The following PDGFRB variants were observed in gnomAD, a reference collection of about 807,000 sequenced individuals.
PDGFRB encodes platelet derived growth factor receptor beta, also known as platelet-derived growth factor receptor beta.
In PDGFRB, 42 loss-of-function variants were observed where a neutral mutation model predicts 120.2. The observed-to-expected ratio is 0.35, with a 90% CI of 0.27 to 0.45. The LOEUF is 0.45. PDGFRB is among the 20% of genes least tolerant of loss of function. The pLI, the probability that PDGFRB is intolerant of heterozygous loss-of-function variation, is 1.00. For missense variants in PDGFRB, 1,149 were observed against 1,476.3 expected (o/e 0.78, Z 3.63); for synonymous variants, 586 against 606.8 (o/e 0.97, Z 0.50).
At chr5:150,116,700 A>T (rs1455988390) in intron 22 of PDGFRB, among the ~76,000 whole-genome samples, 2 of 152,166 alleles carry the variant, frequency 1.3e-5, no homozygotes, top group Non-Finnish European at 2.9e-5. Context: ...CTGAGGGCAC[A>T]AAACAGGGTG....
At chr5:150,138,594 C>G (rs1469502349) in intron 1 of PDGFRB, among the ~76,000 whole-genome samples, 1 of 152,094 alleles carries the variant, frequency 6.6e-6, no homozygotes, top group East Asian at 1.9e-4. Flanking sequence ...AAGGTCTCCT[C>G]GTTTCTTCCT....
chr5:150,124,968 T>A, intron 12 of PDGFRB, 137 bp from the exon 13 acceptor site: 1 of 581,784 alleles, frequency 1.7e-6, no homozygotes, highest in East Asian at 2.8e-5. Context: ...GCCACTCTCT[T>A]AGGTCAACCT....
intron 9 of PDGFRB, 98 bp from the exon 10 acceptor site, chr5:150,130,066 T>A: frequency 1.1e-6 from 1 of 948,508 alleles, no homozygotes; most frequent in Non-Finnish European, 1.7e-6. Context: ...CGTGTCCAGT[T>A]CCTATGTCCC....
At chr5:150,145,557 G>C (rs1010973421) in intron 1 of PDGFRB, among the ~76,000 whole-genome samples, 1 of 152,210 alleles carries the variant, frequency 6.6e-6, no homozygotes, top group Non-Finnish European at 1.5e-5. Flanking sequence ...GGCACAGACT[G>C]TTTACATTGT....
chr5:150,127,485 T>C (rs1186771958), intron 10 of PDGFRB, among the ~76,000 whole-genome samples: 1 of 152,160 alleles, frequency 6.6e-6, no homozygotes, highest in Non-Finnish European at 1.5e-5. Flanking sequence ...TGGCACATGG[T>C]AGGTAGCTGG....
chr5:150,117,536 GCGCGCGCGCACACACACACA>G, intron 22 of PDGFRB, 62 bp downstream of exon 22: 17 of 677,400 alleles, frequency 2.5e-5, no homozygotes, highest in Admixed American at 5.2e-5. Context: ...CAGCGCGCGC[GCGCGCGCGCACACACACACA>G]CACACACACA....
chr5:150,124,836 T>C lies in PDGFRB; in HGVS notation c.1808-5A>G, dbSNP rs920238831. On this transcript the variant is annotated splice_polypyrimidine_tract_variant and splice_region_variant and intron_variant, in intron 12 of 22. Coordinates refer to ENST00000261799, the MANE Select transcript of PDGFRB (RefSeq NM_002609.4). ...CCCCAGAGCCGAGGGTGCGTCCTGG[T>C]GCAGAGATGATCCATTAGCTCCTGG... 22 of 1,531,488 alleles carry C rather than the reference T, an allele frequency of 1.4e-5. No individual in the cohort carries two copies. The highest frequency in any genetic ancestry group is 1.9e-5 in the Non-Finnish European group (21 of 1,115,160). 94.9% of individuals were successfully genotyped at this position (1,531,488 alleles called of 1,614,324 possible).
chr5:150,155,581 G>A lies in PDGFRB; in HGVS notation c.-191C>T, dbSNP rs1761208671. On this transcript the variant is annotated 5_prime_UTR_variant, in exon 1 of 23. Coordinates refer to ENST00000261799, the MANE Select transcript of PDGFRB (RefSeq NM_002609.4). ...TCCTGAAGGCTCAGGAGAACAGAGG[G>A]ATGGAGGAAGGGGGCTGCTGTAGGG... 1 of 398,788 alleles carries A rather than the reference G, an allele frequency of 2.5e-6. No homozygotes were observed. Among genetic ancestry groups the A allele is most frequent in the African/African-American group, 2.1e-5 (1 of 48,638 alleles). 24.7% of individuals were successfully genotyped at this position (398,788 alleles called of 1,614,324 possible).
chr5:150,147,575 G>A (rs1413809712), intron 1 of PDGFRB, among the ~76,000 whole-genome samples: 1 of 152,184 alleles, frequency 6.6e-6, no homozygotes, highest in East Asian at 1.9e-4. Context: ...ATAGGGGAGG[G>A]GTAGCTAGCT....
intron 14 of PDGFRB, 45 bp from the exon 15 acceptor site, chr5:150,123,246 G>A (rs1357612691): frequency 2.0e-6 from 3 of 1,537,414 alleles, no homozygotes; most frequent in African/African-American, 2.7e-5. Flanking sequence ...GAGGCCTCAG[G>A]CGTCCCTTCA....
intron 22 of PDGFRB, among the ~76,000 whole-genome samples, chr5:150,117,335 T>C (rs1269058452): frequency 6.6e-6 from 1 of 152,148 alleles, no homozygotes; most frequent in Non-Finnish European, 1.5e-5. Flanking sequence ...TAAGAGAGTA[T>C]AGATAACCTC....
chr5:150,127,649 T>C (rs1007792338), intron 10 of PDGFRB, among the ~76,000 whole-genome samples: 8 of 151,738 alleles, frequency 5.3e-5, no homozygotes, highest in Non-Finnish European at 1.2e-4. Context: ...GCCTGGCCAA[T>C]ATGGTGAAAT....
chr5:150,132,732 G>T lies in PDGFRB; in HGVS notation c.1127+18C>A. 1 of 1,605,774 alleles carries T rather than the reference G, an allele frequency of 6.2e-7. No homozygotes were observed. The highest frequency in any genetic ancestry group is 8.5e-7 in the Non-Finnish European group (1 of 1,174,660). On this transcript the variant is annotated intron_variant, in intron 7 of 22. Transcript: ENST00000261799. The surrounding 1 kb of genome is among the most constrained non-coding windows in gnomAD (Gnocchi z 5.0). ...GAAAAATAACTTCAAGAATGGGATG[G>T]GAGAGCGAGCTGCTCACCGGGTCTC...
chr5:150,120,054 C>T lies in PDGFRB; in HGVS notation c.2656G>A (p.Val886Met), dbSNP rs1301469558. 1 of 1,607,138 alleles carries T rather than the reference C, an allele frequency of 6.2e-7. No individual in the cohort carries two copies. The highest frequency in any genetic ancestry group is 1.3e-5 in the African/African-American group (1 of 74,910). The change falls in exon 19 of 23, where the codon GTG (valine) becomes ATG (methionine). Residue 886 changes from valine to methionine, a missense_variant. By Grantham distance (21) the Val-to-Met change is conservative (BLOSUM62 1). This residue lies in a region of PDGFRB where 68 missense variants were observed against 153.3 expected (regional missense o/e 0.44). Transcript: ENST00000261799. The surrounding 1 kb of genome is among the most constrained non-coding windows in gnomAD (Gnocchi z 4.3). ...FNSLYTTLSD[V>M]WSFGILLWEI... ...CAGAGCAGGATCCCGAAGGACCACA[C>T]GTCGCTCAGGGTGGTGTAGAGGCTG...
At chr5:150,137,274 T>A (rs1760660240) in intron 1 of PDGFRB, 1 of 517,134 alleles carries the variant, frequency 1.9e-6, no homozygotes, top group Non-Finnish European at 3.4e-6. Flanking sequence ...TCCTGGCCTT[T>A]GCTTTGGCTC....
At chr5:150,131,180 T>C (rs764563421) in intron 8 of PDGFRB, among the ~76,000 whole-genome samples, 90 of 152,170 alleles carry the variant, frequency 5.9e-4, no homozygotes, top group African/African-American at 2.1e-3. Flanking sequence ...ATTTCGGTCA[T>C]AGTAAAAGCC....
rs1314415901 is a variant in PDGFRB, at chr5:150,120,790, G to A, written c.2586+98C>T. 7.7e-6 allele frequency: 9 copies of A among 1,166,196 alleles called. No homozygotes were observed. The Admixed American group carries it at 1.6e-4, about 20-fold the overall frequency. The allele number at this position is 1,166,196 out of a possible 1,614,324, so 72.2% of individuals were successfully genotyped here. On this transcript the variant is annotated intron_variant, in intron 18 of 22. Transcript: ENST00000261799. This position sits in a 1 kb window ranked among gnomAD's most constrained non-coding sequence, Gnocchi z 4.3. ...GGCAGGCCACAAGGAGCCCCACACA[G>A]ATTTCCTATGAGCTGCAGCCACACT...
chr5:150,147,939 C>T (rs1760970913), intron 1 of PDGFRB, among the ~76,000 whole-genome samples: 1 of 152,176 alleles, frequency 6.6e-6, no homozygotes, highest in South Asian at 2.1e-4. Flanking sequence ...ACTCACTCGG[C>T]CTTGCGCGCA....
At chr5:150,119,663 G>T in intron 19 of PDGFRB, 97 bp from the exon 20 acceptor site, 1 of 786,310 alleles carries the variant, frequency 1.3e-6, no homozygotes, top group Non-Finnish European at 2.3e-6. Context: ...GCTGGCCCTG[G>T]TATGGGTAAG....
Sources: gnomAD v4.1 joint callset for allele counts (sites outside exome capture counted in the v4.1 genomes callset) on GRCh38, gnomAD v4.1.1 for gene constraint, gnomAD v4.1.1 regional missense constraint, Gnocchi (gnomAD v3.1) non-coding constraint, MANE v1.5 for transcripts, NCBI Gene and HGNC (gene_info 2026-07-23, HGNC 2026-07-21) for gene names.